Variants in CCDC192 observed in about 807,000 individuals in gnomAD.
CCDC192 encodes the protein coiled-coil domain containing 192.
chr5:127,734,886 A>C (rs1354547424), intron 2 of CCDC192, among the ~76,000 whole-genome samples: 1 of 151,260 alleles, frequency 6.6e-6, no homozygotes, highest in Non-Finnish European at 1.5e-5. Flanking sequence ...TTGCCTGTTC[A>C]CTCTGATGGT....
At chr5:127,897,628 G>T (rs12188831) in intron 6 of CCDC192, among the ~76,000 whole-genome samples, 1 of 152,086 alleles carries the variant, frequency 6.6e-6, no homozygotes, top group African/African-American at 2.4e-5. Flanking sequence ...TGCAATTTTA[G>T]AAAAAGTGCA....
intron 6 of CCDC192, among the ~76,000 whole-genome samples, chr5:127,903,302 GC>G (rs2127168831): frequency 6.6e-6 from 1 of 151,820 alleles, no homozygotes; most frequent in East Asian, 1.9e-4. Context: ...GAGTGCAATG[GC>G]GCAATCTCGG....
At chr5:127,707,399 C>T (rs1362315849) in intron 1 of CCDC192, among the ~76,000 whole-genome samples, 1 of 103,366 alleles carries the variant, frequency 9.7e-6, no homozygotes, top group African/African-American at 4.1e-5. Flanking sequence ...ATGCTTTCCT[C>T]TCCCCACTTT....
rs576929825 is a variant in CCDC192, at chr5:127,761,076, C to G, written c.222+6701C>G. ...TGACTGGCTCCCCAACATCCTGCTCCCCTTCAAGCCCATTCTGGCTTATTG... is the reference window on the plus strand; with the variant it reads ...TGACTGGCTCCCCAACATCCTGCTCGCCTTCAAGCCCATTCTGGCTTATTG... On this transcript the variant is annotated intron_variant, in intron 3 of 6. Transcript: ENST00000514853. Among the ~76,000 whole-genome samples, 7 of 152,292 alleles carry G rather than the reference C, an allele frequency of 4.6e-5. No individual in the cohort carries two copies. The South Asian group carries it at 1.0e-3, about 23-fold the overall frequency.
chr5:127,777,809 T>C (rs1015279751), intron 3 of CCDC192, among the ~76,000 whole-genome samples: 6 of 152,206 alleles, frequency 3.9e-5, no homozygotes, highest in African/African-American at 1.4e-4. Flanking sequence ...CCAGCTGCCA[T>C]GTAAGACATT....
At chr5:127,899,169 G>T (rs568901285) in intron 6 of CCDC192, among the ~76,000 whole-genome samples, 105 of 152,252 alleles carry the variant, frequency 6.9e-4, no homozygotes, top group Admixed American at 1.4e-3. Flanking sequence ...TGCGTTTTTG[G>T]GGGGAGTGAA....
Position 127,920,613 on chromosome 5 carries a change from G to A in CCDC192, c.536-20569G>A, listed in dbSNP as rs1317836044. Reference sequence around the variant, plus strand: ...TTTAGTAGAGATGAGGTTTCACCATGTTGGCCAGGCTGGTCTCAAACTCTT... The same window carrying A: ...TTTAGTAGAGATGAGGTTTCACCATATTGGCCAGGCTGGTCTCAAACTCTT... On this transcript the variant is annotated intron_variant, in intron 6 of 6. Transcript: ENST00000514853. Among the ~76,000 whole-genome samples, 3 of 151,870 alleles carry A rather than the reference G, an allele frequency of 2.0e-5. No individual in the cohort carries two copies. The East Asian group carries it at 5.9e-4, about 30-fold the overall frequency.
chr5:127,703,357 G>T, upstream of CCDC192: 1 of 398,510 alleles, frequency 2.5e-6, no homozygotes, highest in South Asian at 1.3e-4. Flanking sequence ...AGGGACAGCA[G>T]AGCAATAGCA....
At chr5:127,837,424 C>G (rs1750074420) in intron 5 of CCDC192, among the ~76,000 whole-genome samples, 1 of 80,430 alleles carries the variant, frequency 1.2e-5, no homozygotes, top group African/African-American at 4.1e-5. Context: ...GTTTGTAAAA[C>G]CATCAGATGT....
intron 5 of CCDC192, among the ~76,000 whole-genome samples, chr5:127,803,854 A>T (rs1278971002): frequency 6.6e-6 from 1 of 152,214 alleles, no homozygotes; most frequent in Non-Finnish European, 1.5e-5. Flanking sequence ...ACTGTCCTGT[A>T]TGTTTGATAC....
intron 2 of CCDC192, among the ~76,000 whole-genome samples, chr5:127,725,530 A>G (rs1043732675): frequency 6.6e-6 from 1 of 152,228 alleles, no homozygotes; most frequent in Non-Finnish European, 1.5e-5. Context: ...TAAAATATTA[A>G]TAAGATATCT....
At chr5:127,885,501 A>G (rs1015479928) in intron 6 of CCDC192, among the ~76,000 whole-genome samples, 11 of 152,226 alleles carry the variant, frequency 7.2e-5, no homozygotes, top group Non-Finnish European at 1.6e-4. Flanking sequence ...TTGTTGACAA[A>G]GCAGAAAAAG....
rs114857044 is a variant in CCDC192 at position 127,759,779 on chromosome 5, G to A, written c.222+5404G>A. ...CTCACACACACACACTGCCCCGCTC[G>A]CTACCCAAGCTCCCTTGTCATAACT... On this transcript the variant is annotated intron_variant, in intron 3 of 6. Coordinates refer to ENST00000514853, the MANE Select transcript of CCDC192 (RefSeq NM_001317938.2). Among the ~76,000 whole-genome samples, 1,116 of 152,178 alleles carry A rather than the reference G, an allele frequency of 7.3e-3. 9 individuals carry two copies. Among genetic ancestry groups the A allele is most frequent in the Admixed American group, 0.011 (175 of 15,282 alleles).
chr5:127,847,872 C>T (rs373399117), intron 5 of CCDC192, among the ~76,000 whole-genome samples: 1 of 144,242 alleles, frequency 6.9e-6, no homozygotes, highest in Non-Finnish European at 1.5e-5. Flanking sequence ...TAAATGCTCA[C>T]TGCAACCTCC....
At chr5:127,928,841 C>T (rs1295929960) in intron 6 of CCDC192, among the ~76,000 whole-genome samples, 4 of 152,008 alleles carry the variant, frequency 2.6e-5, no homozygotes, top group Non-Finnish European at 5.9e-5. Context: ...TCTTGGCTCA[C>T]TGCAACCTCT....
intron 6 of CCDC192, among the ~76,000 whole-genome samples, chr5:127,927,148 G>T (rs1316953761): frequency 6.6e-6 from 1 of 152,038 alleles, no homozygotes; most frequent in African/African-American, 2.4e-5. Flanking sequence ...TTTATGCATG[G>T]TTTTGCTTTC....
intron 2 of CCDC192, among the ~76,000 whole-genome samples, chr5:127,715,725 T>C (rs775263399): frequency 6.6e-6 from 1 of 152,226 alleles, no homozygotes; most frequent in Non-Finnish European, 1.5e-5. Context: ...GAGAAATCTT[T>C]CCATTTATTT....
chr5:127,795,962 G>C (rs1003565177), intron 3 of CCDC192, among the ~76,000 whole-genome samples: 1 of 152,030 alleles, frequency 6.6e-6, no homozygotes, highest in Non-Finnish European at 1.5e-5. Context: ...GAGCCAAAAG[G>C]CATGGCCAGC....
intron 6 of CCDC192, among the ~76,000 whole-genome samples, chr5:127,892,411 T>C (rs932361143): frequency 3.9e-5 from 6 of 152,242 alleles, no homozygotes; most frequent in African/African-American, 1.4e-4. Flanking sequence ...ACAGATGTAG[T>C]TATTTCTAAA....
Sources: gnomAD v4.1 joint callset for allele counts (sites outside exome capture counted in the v4.1 genomes callset) on GRCh38, gnomAD v4.1.1 for gene constraint, MANE v1.5 for transcripts, NCBI Gene and HGNC (gene_info 2026-07-23, HGNC 2026-07-21) for gene names.